GUCY2D: variants seen among roughly 807,000 people sequenced by gnomAD.
GUCY2D encodes guanylate cyclase 2D, retinal.
A neutral mutation model predicts 101.3 loss-of-function variants in GUCY2D; 70 were observed. The ratio of observed to expected loss-of-function variants is 0.69; its 90% CI spans 0.57 to 0.84. The LOEUF (loss-of-function observed/expected upper bound fraction) is 0.84. Among genes scored for constraint, GUCY2D ranks in the 40% least tolerant of loss-of-function variants. GUCY2D has a pLI of 0.00. For missense variants in GUCY2D, 1,460 were observed against 1,542.5 expected, an observed-to-expected ratio of 0.95 and a Z score of 0.90; for synonymous variants, 688 against 670.7, an observed-to-expected ratio of 1.03 and a Z score of -0.40.
rs1016038931 is a variant in GUCY2D, at chr17:8,013,819, G to A, written c.2264-61G>A. The A allele has an allele frequency of 6.7e-7, 1 of 1,482,426 alleles. No homozygotes were observed. Among genetic ancestry groups the A allele is most frequent in the Non-Finnish European group, 9.4e-7 (1 of 1,062,064 alleles). 91.8% of individuals were successfully genotyped at this position (1,482,426 alleles called of 1,614,324 possible). A position where few individuals can be genotyped will look rare whatever the true frequency, so the allele number is the denominator to read the frequency against. On this transcript the variant is annotated intron_variant, in intron 11 of 19. Coordinates refer to ENST00000254854, the MANE Select transcript of GUCY2D (RefSeq NM_000180.4). This position sits in a 1 kb window ranked among gnomAD's most constrained non-coding sequence, Gnocchi z 5.0. ...TCTTGGTCTTCAACAGTCAGGCCAG[G>A]GTCAGAGGCAGCCTTTGTGTTCTGG...
At chr17:8,010,823 AAAAGG>A (rs1253828806) in intron 8 of GUCY2D, among the ~76,000 whole-genome samples, 1 of 151,698 alleles carries the variant, frequency 6.6e-6, no homozygotes, top group Non-Finnish European at 1.5e-5. Context: ...AAAAAAAAAA[AAAAGG>A]AAAGGAAAGA....
chr17:8,002,894 G>T lies in GUCY2D; in HGVS notation c.-9-145G>T, dbSNP rs552738572. 5 of 626,972 alleles carry T rather than the reference G, an allele frequency of 8.0e-6. No homozygotes were observed. The highest frequency in any genetic ancestry group is 1.9e-5 in the African/African-American group (1 of 51,512). 38.8% of individuals were successfully genotyped at this position (626,972 alleles called of 1,614,324 possible). A position where few individuals can be genotyped will look rare whatever the true frequency, so the allele number is the denominator to read the frequency against. ...CTTCGGGGCGGTGTCCTTGGCCCCAGTTAGTCTTCCCAGCCTCCGGAGGGG... is the reference window on the plus strand; with the variant it reads ...CTTCGGGGCGGTGTCCTTGGCCCCATTTAGTCTTCCCAGCCTCCGGAGGGG... On this transcript the variant is annotated intron_variant, in intron 1 of 19. Coordinates refer to ENST00000254854, the MANE Select transcript of GUCY2D (RefSeq NM_000180.4). This position sits in a 1 kb window ranked among gnomAD's most constrained non-coding sequence, Gnocchi z 4.9.
Position 8,006,710 on chromosome 17 carries a change from T to A in GUCY2D, c.1374T>A (p.Gly458=). ...GGTTCGATCCAAACAACATCTGCGGTGGAGGTGAGGGCGAGCACCCCAGTC... is the reference window on the plus strand; with the variant it reads ...GGTTCGATCCAAACAACATCTGCGGAGGAGGTGAGGGCGAGCACCCCAGTC... ...SCWFDPNNIC[G]GGLEPGLVFL... The change falls in exon 4 of 20, where the codon GGT becomes GGA. Residue 458 remains glycine (G), a synonymous_variant. Transcript: ENST00000254854. 2 of 1,603,980 alleles carry A rather than the reference T, an allele frequency of 1.2e-6. No homozygotes were observed. The highest frequency in any genetic ancestry group is 1.7e-6 in the Non-Finnish European group (2 of 1,174,878).
In GUCY2D at chr17:8,015,999, T is replaced by C. The variant is rs1975964429; in HGVS notation, c.3116T>C (p.Leu1039Pro). 6.2e-7 allele frequency: 1 copy of C among 1,609,768 alleles called. No homozygotes were observed. The highest frequency in any genetic ancestry group is 8.5e-7 in the Non-Finnish European group (1 of 1,178,634). ...RALDSGYQVE[L>P]RGRTELKGKG... is the part of the protein sequence containing the mutation. ...CTGGACTCGGGCTACCAGGTGGAGC[T>C]GCGAGGCCGCACGGAGCTGAAGGTG... Residue 1039 changes from leucine to proline, a missense_variant, in exon 17 of 20, where the codon CTG becomes CCG. Coordinates refer to ENST00000254854, the MANE Select transcript of GUCY2D (RefSeq NM_000180.4).
In GUCY2D at chr17:8,003,597, G is replaced by T; in HGVS notation, c.550G>T (p.Val184Leu). The change falls in exon 2 of 20, where the codon GTG becomes TTG. Residue 184 changes from valine to leucine, a missense_variant. Val to Leu is a conservative substitution (Grantham distance 32, BLOSUM62 1). Around this residue, in one of 3 missense-constraint regions of GUCY2D, gnomAD observed 1,196 missense variants for 1,229.6 expected, o/e 0.97. Transcript: ENST00000254854. ...GCTTCGCGCATTCGGCTGGGCGCGC[G>T]TGGCCCTGGTCACCGCCCCCCAGGA... is the stretch of plus-strand genomic sequence containing the variant. Reference protein sequence around the residue: ...ALLRAFGWARVALVTAPQDLW... With the variant: ...ALLRAFGWARLALVTAPQDLW... The T allele has an allele frequency of 6.3e-7, 1 of 1,587,482 alleles. No homozygotes were observed. Among genetic ancestry groups the T allele is most frequent in the Non-Finnish European group, 8.5e-7 (1 of 1,173,250 alleles).
chr17:8,012,706 T>A lies in GUCY2D; in HGVS notation c.2113+100T>A. 5.4e-6 allele frequency: 5 copies of A among 930,548 alleles called. No homozygotes were observed. In the South Asian group the frequency reaches 6.7e-5, roughly 12 times the overall value. The allele number at this position is 930,548 out of a possible 1,614,324, so 57.6% of individuals were successfully genotyped here. A position where few individuals can be genotyped will look rare whatever the true frequency, so the allele number is the denominator to read the frequency against. ...TACCTCTGCCCTCGCACTCTCTTCA[T>A]CCCACATCCACCAGACACAATTCCT... On this transcript the variant is annotated intron_variant, in intron 10 of 19. Transcript: ENST00000254854.
At chr17:8,007,399 G>A (rs1567958797) in intron 5 of GUCY2D, 27 bp from the exon 6 acceptor site, 18 of 1,461,914 alleles carry the variant, frequency 1.2e-5, no homozygotes, top group Non-Finnish European at 1.7e-5. Flanking sequence ...TGGTGCCCTT[G>A]GTGGAGGTGA....
rs1335897916 is a variant in GUCY2D, at chr17:8,003,585, G to A, written c.538G>A (p.Gly180Ser). The change falls in exon 2 of 20, where the codon GGC becomes AGC. Residue 180 changes from glycine (G) to serine (S), a missense_variant. Gly to Ser is a moderately conservative substitution (Grantham distance 56, BLOSUM62 0). Around this residue, in one of 3 missense-constraint regions of GUCY2D, gnomAD observed 1,196 missense variants for 1,229.6 expected, o/e 0.97. Coordinates refer to ENST00000254854, the MANE Select transcript of GUCY2D (RefSeq NM_000180.4). Reference protein sequence around the residue: ...DALYALLRAFGWARVALVTAP... With the variant: ...DALYALLRAFSWARVALVTAP... ...CCTCTACGCCCTGCTTCGCGCATTC[G>A]GCTGGGCGCGCGTGGCCCTGGTCAC... 1 of 1,584,864 alleles carries A rather than the reference G, an allele frequency of 6.3e-7. No homozygotes were observed. Among genetic ancestry groups the A allele is most frequent in the African/African-American group, 1.3e-5 (1 of 74,658 alleles).
In GUCY2D at chr17:8,015,454, C is replaced by G. The variant is rs933256547; in HGVS notation, c.2896C>G (p.Arg966Gly). 9.3e-6 allele frequency: 15 copies of G among 1,613,534 alleles called. No individual in the cohort carries two copies. The highest frequency in any genetic ancestry group is 1.2e-5 in the Non-Finnish European group (14 of 1,179,892). ...ILSAVGTFRMRHMPEVPVRIR... is the reference protein window; with the variant it reads ...ILSAVGTFRMGHMPEVPVRIR... ...CAGTGCCGTGGGCACTTTCCGCATG[C>G]GCCATATGCCTGAGGTTCCCGTGCG... The change falls in exon 15 of 20, where the codon CGC becomes GGC. Residue 966 changes from arginine (R) to glycine (G), a missense_variant. Arg to Gly is a moderately radical substitution (Grantham distance 125). Transcript: ENST00000254854.
Position 8,015,813 on chromosome 17 carries a change from C to T in GUCY2D, c.3015C>T (p.Thr1005=). The change falls in exon 16 of 20, where the codon ACC becomes ACT. Residue 1005 remains threonine (T), a synonymous_variant. Transcript: ENST00000254854. ...RYCLFGDTVN[T]ASRMESTGLP... The stretch of plus-strand genomic sequence containing the variant: ...GCCTGTTTGGGGACACGGTCAACAC[C>T]GCCTCGCGCATGGAGTCCACCGGGC... 3 of 1,612,524 alleles carry T rather than the reference C, an allele frequency of 1.9e-6. No homozygotes were observed. The highest frequency in any genetic ancestry group is 1.3e-5 in the African/African-American group (1 of 75,002).
chr17:8,011,941 A>C lies in GUCY2D; in HGVS notation c.1750-203A>C, dbSNP rs1246251923. Among the ~76,000 whole-genome samples, 1 of 152,234 alleles carries C rather than the reference A, an allele frequency of 6.6e-6. No homozygotes were observed. The highest frequency in any genetic ancestry group is 2.4e-5 in the African/African-American group (1 of 41,470). ...GCTAAACCATACTCAGTATCCAAAC[A>C]GTGGCCTTTGACTATATTGTTTTTT... On this transcript the variant is annotated intron_variant, in intron 8 of 19. Transcript: ENST00000254854. The surrounding 1 kb of genome is among the most constrained non-coding windows in gnomAD (Gnocchi z 4.3).
rs574106259 is a variant in GUCY2D, at chr17:8,016,147, G to A, written c.3139-58G>A. 7.4e-6 allele frequency: 10 copies of A among 1,351,736 alleles called. No individual in the cohort carries two copies. In the African/African-American group the frequency reaches 1.3e-4, roughly 17 times the overall value. The allele number at this position is 1,351,736 out of a possible 1,614,324, so 83.7% of individuals were successfully genotyped here. A position where few individuals can be genotyped will look rare whatever the true frequency, so the allele number is the denominator to read the frequency against. Reference sequence around the variant, plus strand: ...GTCTCCCAGTTCCACGCAGACTCGAGATCCCCCACCCCTCACCCCAGTCCG... The same window carrying A: ...GTCTCCCAGTTCCACGCAGACTCGAAATCCCCCACCCCTCACCCCAGTCCG... On this transcript the variant is annotated intron_variant, in intron 17 of 19. Coordinates refer to ENST00000254854, the MANE Select transcript of GUCY2D (RefSeq NM_000180.4).
Position 8,018,677 on chromosome 17 carries a change from A to G in GUCY2D, c.*25-1451A>G, listed in dbSNP as rs866026205. Among the ~76,000 whole-genome samples, 21 of 152,238 alleles carry G rather than the reference A, an allele frequency of 1.4e-4. No individual in the cohort carries two copies. In the South Asian group the frequency reaches 2.3e-3, roughly 17 times the overall value. On this transcript the variant is annotated intron_variant, in intron 19 of 19. Coordinates refer to ENST00000254854, the MANE Select transcript of GUCY2D (RefSeq NM_000180.4). ...CATTCTGCTGCAGCTAAACAGCAAC[A>G]GTCCCCTTTATCCAGATGTCGCCAC...
In GUCY2D at chr17:8,013,869, C is replaced by A. The variant is rs1318920712; in HGVS notation, c.2264-11C>A. 1 of 1,612,586 alleles carries A rather than the reference C, an allele frequency of 6.2e-7. No individual in the cohort carries two copies. The highest frequency in any genetic ancestry group is 8.5e-7 in the Non-Finnish European group (1 of 1,178,800). On this transcript the variant is annotated splice_polypyrimidine_tract_variant and intron_variant, in intron 11 of 19. Transcript: ENST00000254854. The surrounding 1 kb of genome is among the most constrained non-coding windows in gnomAD (Gnocchi z 5.0). ...GGGGCACTCCCCCTCACTGTCCCCT[C>A]ATGCCTCCAGAAGTGGTGCAGAGGG...
Position 8,016,435 on chromosome 17 carries a change from C to G in GUCY2D, c.3225-8C>G. Reference sequence around the variant, plus strand: ...CCCTTCCCTGAGGCCACCGCCCCCTCCTTGCAGGTCCAGCAACCACGGCAT... The same window carrying G: ...CCCTTCCCTGAGGCCACCGCCCCCTGCTTGCAGGTCCAGCAACCACGGCAT... On this transcript the variant is annotated splice_polypyrimidine_tract_variant and splice_region_variant and intron_variant, in intron 18 of 19. Coordinates refer to ENST00000254854, the MANE Select transcript of GUCY2D (RefSeq NM_000180.4). The G allele has an allele frequency of 6.4e-7, 1 of 1,555,008 alleles. No homozygotes were observed. The highest frequency in any genetic ancestry group is 8.7e-7 in the Non-Finnish European group (1 of 1,149,228).
At chr17:8,019,019 T>A (rs1284601838) in intron 19 of GUCY2D, among the ~76,000 whole-genome samples, 7 of 152,176 alleles carry the variant, frequency 4.6e-5, no homozygotes, top group Admixed American at 4.6e-4. Context: ...TAAATTGAAT[T>A]TAAATACGAT....
At chr17:8,007,784 C>A (rs368330301) in intron 6 of GUCY2D, 147 bp from the exon 7 acceptor site, 8 of 707,406 alleles carry the variant, frequency 1.1e-5, no homozygotes, top group South Asian at 1.1e-4. Context: ...GTAAAGCGTG[C>A]ACTTGGGGAG....
At chr17:8,008,308 T>C (rs1262705940) in intron 7 of GUCY2D, among the ~76,000 whole-genome samples, 2 of 152,180 alleles carry the variant, frequency 1.3e-5, no homozygotes, top group Admixed American at 1.3e-4. Context: ...GACTGGAGGC[T>C]GGAGCTGCCA....
Position 8,004,052 on chromosome 17 carries a change from G to T in GUCY2D, c.922G>T (p.Val308Leu). 1.9e-6 allele frequency: 3 copies of T among 1,609,502 alleles called. No homozygotes were observed. The highest frequency in any genetic ancestry group is 2.5e-6 in the Non-Finnish European group (3 of 1,179,912). ...SSQLRRAHDA[V>L]LTLTRHCPSE... ...CCAGCTTCGCAGGGCCCACGATGCC[G>T]TGCTCACCCTCACGCGCCACTGTCC... Residue 308 changes from valine (V) to leucine (L), a missense_variant, in exon 3 of 20, where the codon GTG becomes TTG. Coordinates refer to ENST00000254854, the MANE Select transcript of GUCY2D (RefSeq NM_000180.4).
Sources: gnomAD v4.1 joint callset for allele counts (sites outside exome capture counted in the v4.1 genomes callset) on GRCh38, gnomAD v4.1.1 for gene constraint, gnomAD v4.1.1 regional missense constraint, Gnocchi (gnomAD v3.1) non-coding constraint, MANE v1.5 for transcripts, NCBI Gene and HGNC (gene_info 2026-07-23, HGNC 2026-07-21) for gene names.